The following SYNPO variants were observed in gnomAD, a reference collection of about 807,000 sequenced individuals.
SYNPO encodes synaptopodin.
In SYNPO, 19 loss-of-function variants were observed where a neutral mutation model predicts 49.5. That is an observed-to-expected ratio of 0.38 (90% CI 0.27 to 0.56). The LOEUF (loss-of-function observed/expected upper bound fraction) is 0.56, where lower values mean the gene tolerates loss of function less well. Ranked by LOEUF, SYNPO falls within the 20% of genes least tolerant of loss-of-function variation. The probability of loss-of-function intolerance (pLI) is 0.68; values close to 1 mark genes in which losing one functional copy is unlikely to be tolerated. For missense variants in SYNPO, 1,131 were observed against 1,248.3 expected (o/e 0.91, Z 1.42); for synonymous variants, 536 against 548.0 (o/e 0.98, Z 0.31).
At chr5:150,612,840 C>T (rs1459016675) in intron 1 of SYNPO, among the ~76,000 whole-genome samples, 4 of 152,136 alleles carry the variant, frequency 2.6e-5, no homozygotes, top group Non-Finnish European at 5.9e-5. Flanking sequence ...AGTGCAGTGG[C>T]ACAATCATGG....
At chr5:150,609,946 C>T (rs534371047) in intron 1 of SYNPO, among the ~76,000 whole-genome samples, 2 of 152,330 alleles carry the variant, frequency 1.3e-5, no homozygotes, top group South Asian at 4.1e-4. Context: ...TGGCCTCTGC[C>T]CTGCCACACC....
rs768952198 is a variant in SYNPO at position 150,648,101 on chromosome 5, G to A, written c.-175G>A. On this transcript the variant is annotated 5_prime_UTR_variant, in exon 2 of 3. Transcript: ENST00000307662. The surrounding 1 kb of genome is among the most constrained non-coding windows in gnomAD (Gnocchi z 5.0). ...GGCAGAGGGTGAACGAGTTCACCTTGGAGAGCCACGGCCAGAGGGGACAGA... is the reference window on the plus strand; with the variant it reads ...GGCAGAGGGTGAACGAGTTCACCTTAGAGAGCCACGGCCAGAGGGGACAGA... The A allele has an allele frequency of 7.7e-6, 12 of 1,551,710 alleles. No individual in the cohort carries two copies. The highest frequency in any genetic ancestry group is 9.6e-6 in the Non-Finnish European group (11 of 1,147,034).
chr5:150,592,561 C>T, the SYNPO span, among the ~76,000 whole-genome samples: 1 of 152,194 alleles, frequency 6.6e-6, no homozygotes, highest in Non-Finnish European at 1.5e-5. Context: ...AAGAACATCC[C>T]AAATGGGGGA....
chr5:150,650,867 C>T, intron 2 of SYNPO: 3 of 1,262,574 alleles, frequency 2.4e-6, no homozygotes, highest in Non-Finnish European at 3.0e-6. Flanking sequence ...TCTCTTCTGC[C>T]TCTGCCTTCT....
chr5:150,606,884 T>C (rs1282635827), intron 1 of SYNPO, among the ~76,000 whole-genome samples: 2 of 152,220 alleles, frequency 1.3e-5, no homozygotes, highest in Non-Finnish European at 2.9e-5. Context: ...ACTTCTATCC[T>C]CCAGCCCTTC....
At chr5:150,619,199 C>T (rs903326995) in intron 2 of SYNPO, among the ~76,000 whole-genome samples, 2 of 152,108 alleles carry the variant, frequency 1.3e-5, no homozygotes, top group Non-Finnish European at 2.9e-5. Flanking sequence ...CTGGACCAAA[C>T]GGATGTGGTT....
chr5:150,589,085 A>C, the SYNPO span, among the ~76,000 whole-genome samples: 1 of 147,412 alleles, frequency 6.8e-6, no homozygotes, highest in African/African-American at 2.5e-5. Flanking sequence ...TTCTGGAGAC[A>C]GAGTCTCGCT....
Position 150,640,666 on chromosome 5 carries a change from GA to G in SYNPO, c.-520del. 2.0e-6 allele frequency: 2 copies of G among 985,614 alleles called. No individual in the cohort carries two copies. The highest frequency in any genetic ancestry group is 2.4e-6 in the Non-Finnish European group (2 of 829,942). 61.1% of individuals were successfully genotyped at this position (985,614 alleles called of 1,614,324 possible). A position where few individuals can be genotyped will look rare whatever the true frequency, so the allele number is the denominator to read the frequency against. On this transcript the variant is annotated 5_prime_UTR_variant, in exon 1 of 3. Coordinates refer to ENST00000307662, the MANE Select transcript of SYNPO (RefSeq NM_007286.6). ...TTGCAAAATCGGTTTTCCTGATAAA[GA>G]GCTGGGCTGAGTCATCTGTGGAGGA... is the stretch of plus-strand genomic sequence containing the variant.
At chr5:150,628,863 G>A (rs544873394) in intron 2 of SYNPO, among the ~76,000 whole-genome samples, 29 of 152,322 alleles carry the variant, frequency 1.9e-4, no homozygotes, top group Admixed American at 1.4e-3. Flanking sequence ...AGCCGAGATC[G>A]CGCCATTGCA....
chr5:150,618,312 G>T, exon 2 of SYNPO: 1 of 1,504,736 alleles, frequency 6.6e-7, no homozygotes, highest in East Asian at 2.5e-5. Flanking sequence ...CCCAGCCCAG[G>T]CCCTGGCCCA....
At chr5:150,652,070 T>C (rs1265863615) in intron 2 of SYNPO, 1 of 1,000,386 alleles carries the variant, frequency 1.0e-6, no homozygotes, top group East Asian at 1.1e-4. Flanking sequence ...TCTGGGCTTG[T>C]CTCCATGGGA....
At chr5:150,651,817 T>C (rs771389429) in intron 2 of SYNPO, 20 of 1,000,340 alleles carry the variant, frequency 2.0e-5, no homozygotes, top group Admixed American at 6.1e-5. Context: ...GTCAGGTAGC[T>C]GGAGACTTCC....
chr5:150,595,561 G>A, the SYNPO span, among the ~76,000 whole-genome samples: 3 of 152,214 alleles, frequency 2.0e-5, no homozygotes, highest in Non-Finnish European at 4.4e-5. Context: ...GGATCTAGGG[G>A]CCTGGGGACA....
rs1425554174 is a variant in SYNPO, at chr5:150,650,543, G to A, written c.2028+240G>A. ...GCCGCCCCTCCCCTACTACAACAGG[G>A]GTCGGACTCCATGTCTGAGCGGGGA... On this transcript the variant is annotated intron_variant, in intron 2 of 2. Transcript: ENST00000307662. 3 of 1,466,770 alleles carry A rather than the reference G, an allele frequency of 2.0e-6. No homozygotes were observed. In the African/African-American group the frequency reaches 4.3e-5, roughly 21 times the overall value. The allele number at this position is 1,466,770 out of a possible 1,614,324, so 90.9% of individuals were successfully genotyped here. A position where few individuals can be genotyped will look rare whatever the true frequency, so the allele number is the denominator to read the frequency against.
chr5:150,642,045 C>T (rs951445945), intron 1 of SYNPO, among the ~76,000 whole-genome samples: 2 of 152,226 alleles, frequency 1.3e-5, no homozygotes, highest in African/African-American at 4.8e-5. Flanking sequence ...GGGCAGGTCT[C>T]TCTGAGCCCC....
At chr5:150,644,683 C>T (rs1368062146) in intron 1 of SYNPO, among the ~76,000 whole-genome samples, 1 of 152,178 alleles carries the variant, frequency 6.6e-6, no homozygotes, top group Non-Finnish European at 1.5e-5. Flanking sequence ...TAGCAAATGG[C>T]AGAGCTTGGA....
At chr5:150,608,946 G>T (rs1756768311) in intron 1 of SYNPO, among the ~76,000 whole-genome samples, 1 of 152,226 alleles carries the variant, frequency 6.6e-6, no homozygotes, top group Non-Finnish European at 1.5e-5. Flanking sequence ...AAGATTGGAG[G>T]CTCACAGAAG....
chr5:150,593,641 G>A, the SYNPO span, among the ~76,000 whole-genome samples: 2 of 152,110 alleles, frequency 1.3e-5, no homozygotes. Context: ...TTGTGTTTTT[G>A]TAGAGATGGG....
chr5:150,623,758 C>G (rs149030595), intron 2 of SYNPO, among the ~76,000 whole-genome samples: 1 of 152,364 alleles, frequency 6.6e-6, no homozygotes, highest in African/African-American at 2.4e-5. Context: ...ACATTCCTAA[C>G]TTCCTTTAGC....
Sources: allele counts gnomAD v4.1 joint callset (sites outside exome capture counted in the v4.1 genomes callset), GRCh38; gene constraint gnomAD v4.1.1; non-coding constraint Gnocchi (gnomAD v3.1); transcripts MANE v1.5; gene names NCBI Gene and HGNC (gene_info 2026-07-23, HGNC 2026-07-21).